The following PPP2R2B variants were observed in gnomAD, a reference collection of about 807,000 sequenced individuals.
PPP2R2B encodes the protein serine/threonine-protein phosphatase 2A 55 kDa regulatory subunit B beta isoform.
In PPP2R2B, 5 loss-of-function variants were observed where a neutral mutation model predicts 46.0. The observed-to-expected ratio is 0.11, with a 90% CI of 0.06 to 0.23. The LOEUF (loss-of-function observed/expected upper bound fraction) is 0.23. PPP2R2B is among the 10% of genes least tolerant of loss of function. The pLI is 1.00. For missense variants in PPP2R2B, 367 were observed against 575.0 expected (o/e 0.64, Z 3.70); for synonymous variants, 215 against 206.7 (o/e 1.04, Z -0.34).
intron 2 of PPP2R2B, chr5:146,707,099 C>G: frequency 6.4e-7 from 1 of 1,564,824 alleles, no homozygotes. Flanking sequence ...AAGTCCTCCA[C>G]CAGCCCCTGC....
chr5:147,037,104 G>A (rs530016597), intron 1 of PPP2R2B, among the ~76,000 whole-genome samples: 1 of 152,166 alleles, frequency 6.6e-6, no homozygotes, highest in African/African-American at 2.4e-5. Context: ...GCAGTCTAAC[G>A]AGAGTTTAAC....
At chr5:146,689,581 A>G (rs909613866) in intron 5 of PPP2R2B, among the ~76,000 whole-genome samples, 4 of 152,222 alleles carry the variant, frequency 2.6e-5, no homozygotes, top group Non-Finnish European at 4.4e-5. Flanking sequence ...AAGTCACCCA[A>G]TGATGCATTT....
chr5:146,863,668 C>A (rs1373879304), intron 2 of PPP2R2B, among the ~76,000 whole-genome samples: 3 of 152,150 alleles, frequency 2.0e-5, no homozygotes, highest in African/African-American at 7.2e-5. Context: ...ATCCATCCAT[C>A]CATCCATCCA....
chr5:146,648,872 C>T (rs1007380722), intron 6 of PPP2R2B, among the ~76,000 whole-genome samples: 1 of 152,076 alleles, frequency 6.6e-6, no homozygotes, highest in African/African-American at 2.4e-5. Flanking sequence ...ATTAGGGAAG[C>T]GTGACAAGAC....
chr5:146,974,691 A>AT (rs543744922), intron 1 of PPP2R2B, among the ~76,000 whole-genome samples: 31,617 of 142,336 alleles, frequency 0.22, 3,689 homozygotes, highest in East Asian at 0.32. Context: ...AATAAAAGGA[A>AT]TTTTTTTTTT....
At chr5:146,742,573 G>T (rs1752942831) in intron 2 of PPP2R2B, among the ~76,000 whole-genome samples, 1 of 151,912 alleles carries the variant, frequency 6.6e-6, no homozygotes, top group Non-Finnish European at 1.5e-5. Context: ...TTCTCTGCAG[G>T]GTAGAGAATA....
chr5:147,060,714 C>T (rs533779337), upstream of PPP2R2B, among the ~76,000 whole-genome samples: 6 of 152,240 alleles, frequency 3.9e-5, no homozygotes, highest in South Asian at 1.0e-3. Context: ...ATAACCATTC[C>T]CAACATATAC....
chr5:147,053,380 G>T (rs1756925232), intron 1 of PPP2R2B, among the ~76,000 whole-genome samples: 1 of 152,112 alleles, frequency 6.6e-6, no homozygotes, highest in Non-Finnish European at 1.5e-5. Flanking sequence ...TAGTTCTAGA[G>T]TTTCTCTTAA....
intron 1 of PPP2R2B, among the ~76,000 whole-genome samples, chr5:146,894,348 A>G (rs1238561377): frequency 6.6e-6 from 1 of 152,180 alleles, no homozygotes; most frequent in Non-Finnish European, 1.5e-5. Flanking sequence ...ATATTTTGTT[A>G]TTAATTAGGA....
intron 2 of PPP2R2B, 197 bp from the exon 3 acceptor site, chr5:146,701,339 G>A: frequency 2.8e-6 from 2 of 717,904 alleles, no homozygotes; most frequent in East Asian, 2.5e-5. Context: ...TGCCCACACT[G>A]CACAGTGGTC....
At chr5:146,927,405 C>A (rs976375393) in intron 1 of PPP2R2B, among the ~76,000 whole-genome samples, 26 of 152,124 alleles carry the variant, frequency 1.7e-4, no homozygotes, top group Admixed American at 3.9e-4. Flanking sequence ...ATCTTTCTTG[C>A]ACATATAAGA....
intron 5 of PPP2R2B, among the ~76,000 whole-genome samples, chr5:146,690,454 G>C (rs1214780912): frequency 6.6e-6 from 1 of 152,136 alleles, no homozygotes; most frequent in African/African-American, 2.4e-5. Context: ...TATATTTAGT[G>C]CCATAATCAT....
intron 2 of PPP2R2B, among the ~76,000 whole-genome samples, chr5:146,831,353 C>T (rs547115682): frequency 1.3e-4 from 19 of 151,812 alleles, no homozygotes; most frequent in Admixed American, 5.9e-4. Flanking sequence ...AAAAATTAGC[C>T]GAGTGTGGTG....
chr5:147,055,542 G>A, intron 1 of PPP2R2B: 2 of 829,072 alleles, frequency 2.4e-6, no homozygotes, highest in East Asian at 2.5e-5. Flanking sequence ...TTGGATACAA[G>A]CTTTTGCCAG....
intron 1 of PPP2R2B, among the ~76,000 whole-genome samples, chr5:146,982,088 A>G (rs1753203899): frequency 6.6e-6 from 1 of 152,044 alleles, no homozygotes; most frequent in African/African-American, 2.4e-5. Flanking sequence ...TCTTACTTTC[A>G]TTATTTTTTT....
chr5:147,077,747 C>A (rs1757832858), intron 2 of PPP2R2B, among the ~76,000 whole-genome samples: 1 of 152,148 alleles, frequency 6.6e-6, no homozygotes, highest in African/African-American at 2.4e-5. Context: ...TAAAAAGTTT[C>A]TGCCTGTATT....
chr5:146,700,928 T>C, intron 3 of PPP2R2B, 117 bp downstream of exon 3: 1 of 916,266 alleles, frequency 1.1e-6, no homozygotes, highest in South Asian at 1.5e-5. Flanking sequence ...TTTTTGGCAG[T>C]TTTTAGTTTT....
rs1454852792 is a variant in PPP2R2B, at chr5:146,586,752, C to A, written c.*3195G>T. 1.3e-5 allele frequency: 2 copies of A among 151,996 alleles called. No homozygotes were observed. Among genetic ancestry groups the A allele is most frequent in the Non-Finnish European group, 2.9e-5 (2 of 68,004 alleles). 9.4% of individuals were successfully genotyped at this position (151,996 alleles called of 1,614,324 possible). A position where few individuals can be genotyped will look rare whatever the true frequency, so the allele number is the denominator to read the frequency against. ...TTCAATGGAAGAGTAAAGGCAGGAG[C>A]CAAACTTGAAGGAGTTAAGAAGCAA... On this transcript the variant is annotated 3_prime_UTR_variant, in exon 10 of 10. Transcript: ENST00000394411.
chr5:146,923,280 A>C (rs945878189), intron 1 of PPP2R2B, among the ~76,000 whole-genome samples: 1 of 152,234 alleles, frequency 6.6e-6, no homozygotes, highest in African/African-American at 2.4e-5. Flanking sequence ...CTGAAGGACC[A>C]GAGGGGACCA....
Sources: allele counts gnomAD v4.1 joint callset (sites outside exome capture counted in the v4.1 genomes callset), GRCh38; gene constraint gnomAD v4.1.1; transcripts MANE v1.5; gene names NCBI Gene and HGNC (gene_info 2026-07-23, HGNC 2026-07-21).